CLIC5: variants seen among roughly 807,000 people sequenced by gnomAD.
CLIC5 encodes CLIC family member 5.
A neutral mutation model predicts 24.7 loss-of-function variants in CLIC5; 20 were observed. That is an observed-to-expected ratio of 0.81 (90% CI 0.57 to 1.18). The LOEUF (loss-of-function observed/expected upper bound fraction) is 1.18. CLIC5 is among the 50% of genes most tolerant of loss of function. CLIC5 has a pLI of 0.00. For missense variants in CLIC5, 341 were observed against 326.1 expected (o/e 1.05, Z -0.35); for synonymous variants, 159 against 135.6 (o/e 1.17, Z -1.20).
chr6:45,888,295 T>C (rs1316745533), intron 6 of CLIC5, among the ~76,000 whole-genome samples: 1 of 152,212 alleles, frequency 6.6e-6, no homozygotes, highest in Non-Finnish European at 1.5e-5. Context: ...TAATGTTGGA[T>C]CTATGTGGGA....
chr6:46,000,745 T>C (rs2021687), intron 1 of CLIC5, among the ~76,000 whole-genome samples: 45,725 of 151,938 alleles, frequency 0.3, 7,484 homozygotes, highest in Middle Eastern at 0.44. Flanking sequence ...ACTCACTCAC[T>C]ATCACGAGAA....
chr6:46,093,430 T>A, the CLIC5 span, among the ~76,000 whole-genome samples: 59 of 152,294 alleles, frequency 3.9e-4, 1 homozygote, highest in Non-Finnish European at 6.8e-4. Context: ...CATATCCAGC[T>A]CCCAAAGGAT....
chr6:45,990,696 A>G (rs1404166626), intron 1 of CLIC5, among the ~76,000 whole-genome samples: 1 of 152,228 alleles, frequency 6.6e-6, no homozygotes, highest in Non-Finnish European at 1.5e-5. Context: ...CTTAATCTAA[A>G]TTTAGGAAGA....
chr6:45,915,420 T>G (rs761525503), intron 4 of CLIC5, among the ~76,000 whole-genome samples: 1 of 151,216 alleles, frequency 6.6e-6, no homozygotes, highest in South Asian at 2.1e-4. Flanking sequence ...CCAAGAAGAG[T>G]TGGGGACAAG....
At chr6:46,059,025 G>T (rs773505388) in intron 1 of CLIC5, among the ~76,000 whole-genome samples, 24 of 152,186 alleles carry the variant, frequency 1.6e-4, no homozygotes, top group Non-Finnish European at 3.1e-4. Flanking sequence ...TCAGAGTGTG[G>T]TTGAGTGTTT....
At chr6:46,082,269 T>C (rs1762940191), upstream of CLIC5, among the ~76,000 whole-genome samples, 1 of 152,358 alleles carries the variant, frequency 6.6e-6, no homozygotes, top group South Asian at 2.1e-4. Flanking sequence ...TGAGGTTGGC[T>C]AAGCTTAGGG....
chr6:45,904,792 G>A (rs1762611849), intron 5 of CLIC5, among the ~76,000 whole-genome samples: 2 of 149,718 alleles, frequency 1.3e-5, no homozygotes, highest in African/African-American at 4.9e-5. Context: ...CTTGTTACCT[G>A]GGTATAACGC....
At chr6:46,009,067 A>G (rs1435091620) in intron 1 of CLIC5, among the ~76,000 whole-genome samples, 1 of 152,042 alleles carries the variant, frequency 6.6e-6, no homozygotes, top group African/African-American at 2.4e-5. Context: ...CTGGGCAGGT[A>G]CAAGTGAAGA....
rs549297843 is a variant in CLIC5, at chr6:46,064,402, T to C, written c.540+15301A>G. ...CTTCCACAAAAACTCTTTCAGAAAA[T>C]AGAAGAGGAAACACATTCCCATCTC... On this transcript the variant is annotated intron_variant, in intron 1 of 5. Coordinates refer to the CLIC5 transcript ENST00000185206. Among the ~76,000 whole-genome samples, 8 of 151,974 alleles carry C rather than the reference T, an allele frequency of 5.3e-5. No homozygotes were observed. In the South Asian group the frequency reaches 6.3e-4, roughly 12 times the overall value.
At chr6:46,013,712 C>T (rs1302500248) in intron 1 of CLIC5, among the ~76,000 whole-genome samples, 2 of 152,190 alleles carry the variant, frequency 1.3e-5, no homozygotes, top group African/African-American at 2.4e-5. Flanking sequence ...CAGGTAGAAT[C>T]GGTCTCCACA....
the CLIC5 span, among the ~76,000 whole-genome samples, chr6:46,117,324 T>C: frequency 1.6e-3 from 251 of 152,284 alleles, 1 homozygote; most frequent in Non-Finnish European, 2.6e-3. Context: ...AGACACCACA[T>C]AAGATTTACT....
intron 1 of CLIC5, among the ~76,000 whole-genome samples, chr6:45,967,146 G>T (rs1196885606): frequency 1.3e-5 from 2 of 152,180 alleles, no homozygotes; most frequent in Non-Finnish European, 2.9e-5. Context: ...GGCTTTCTTG[G>T]CTGCGTGGAG....
At chr6:46,076,174 A>T (rs1376312288) in intron 1 of CLIC5, among the ~76,000 whole-genome samples, 1 of 152,078 alleles carries the variant, frequency 6.6e-6, no homozygotes, top group African/African-American at 2.4e-5. Flanking sequence ...GCCCCTAAGG[A>T]CTGCTGTGAT....
chr6:45,973,086 A>AT (rs1765256244), intron 1 of CLIC5, among the ~76,000 whole-genome samples: 1 of 152,174 alleles, frequency 6.6e-6, no homozygotes, highest in Admixed American at 6.5e-5. Context: ...ATTTATTGAA[A>AT]TTCCATGACT....
At chr6:45,904,227 A>G (rs542543713) in intron 5 of CLIC5, among the ~76,000 whole-genome samples, 12 of 152,312 alleles carry the variant, frequency 7.9e-5, no homozygotes, top group Admixed American at 2.6e-4. Context: ...ACTTTGGAGT[A>G]ATAAATTAGT....
chr6:46,072,523 T>C lies in CLIC5; in HGVS notation c.540+7180A>G, dbSNP rs1581919873. Among the ~76,000 whole-genome samples the C allele has an allele frequency of 2.0e-5, 3 of 152,188 alleles. No individual in the cohort carries two copies. In the East Asian group the frequency reaches 5.8e-4, roughly 29 times the overall value. ...GATGATGGGATTAGTAGTGCATGCA[T>C]TGACATTGAGTTTGTAGTCTCTTGG... On this transcript the variant is annotated intron_variant, in intron 1 of 5. Transcript: ENST00000185206.
At chr6:46,019,158 G>A (rs190203280), upstream of CLIC5, among the ~76,000 whole-genome samples, 24 of 150,022 alleles carry the variant, frequency 1.6e-4, no homozygotes, top group Admixed American at 7.3e-4. Context: ...GCAGAAAAGA[G>A]GAAGAGAATA....
At chr6:46,003,514 G>A (rs560818551) in intron 1 of CLIC5, among the ~76,000 whole-genome samples, 73 of 152,248 alleles carry the variant, frequency 4.8e-4, no homozygotes, top group African/African-American at 1.7e-3. Context: ...AAGTCTAAAG[G>A]TCACTATATA....
intron 1 of CLIC5, among the ~76,000 whole-genome samples, chr6:46,064,050 TA>T (rs1762366480): frequency 6.6e-6 from 1 of 151,984 alleles, no homozygotes; most frequent in South Asian, 2.1e-4. Flanking sequence ...GCATGAAAAA[TA>T]TCAATATAAA....
Sources: allele counts gnomAD v4.1 joint callset (sites outside exome capture counted in the v4.1 genomes callset), GRCh38; gene constraint gnomAD v4.1.1; transcripts MANE v1.5; gene names NCBI Gene and HGNC (gene_info 2026-07-23, HGNC 2026-07-21).